The following C1GALT1C1 variants were observed in gnomAD, a reference collection of about 807,000 sequenced individuals.
C1GALT1C1 encodes the protein C1GALT1-specific chaperone 1.
For missense variants in C1GALT1C1, 176 were observed against 234.7 expected, an observed-to-expected ratio of 0.75 and a Z score of 1.63; for synonymous variants, 77 against 77.9, an observed-to-expected ratio of 0.99 and a Z score of 0.06.
At chrX:120,628,478 G>A (rs1370701202) in intron 1 of C1GALT1C1, among the ~76,000 whole-genome samples, 1 of 111,736 alleles carries the variant, frequency 8.9e-6, no homozygotes, top group Non-Finnish European at 1.9e-5. Context: ...GGAAATGGAA[G>A]TCCACAGAGG....
intron 1 of C1GALT1C1, among the ~76,000 whole-genome samples, 174 bp downstream of exon 1, chrX:120,629,743 A>G (rs993946557): frequency 2.7e-5 from 3 of 111,944 alleles, no homozygotes; most frequent in South Asian, 7.4e-4. Context: ...AGGGACCAAG[A>G]GAGCGCCCCC....
chrX:120,626,100 A>G lies in C1GALT1C1; in HGVS notation c.*110T>C, dbSNP rs2147383300. On this transcript the variant is annotated 3_prime_UTR_variant, in exon 2 of 2. Coordinates refer to ENST00000304661, the MANE Select transcript of C1GALT1C1 (RefSeq NM_001011551.3). ...TGTGTGGTTATACCAGTGCCACCAA[A>G]TTAGAAAAGAAAAAGAAACATACAG... is the stretch of plus-strand genomic sequence containing the variant. 1.5e-5 allele frequency: 11 copies of G among 751,012 alleles called. No homozygotes were observed. The highest frequency in any genetic ancestry group is 1.9e-5 in the Non-Finnish European group (10 of 518,345). The allele number at this position is 751,012 out of a possible 1,213,427, so 61.9% of individuals were successfully genotyped here.
chrX:120,627,182 G>T lies in C1GALT1C1; in HGVS notation c.-5-11C>A. 9.6e-7 allele frequency: 1 copy of T among 1,047,040 alleles called. No homozygotes were observed. The highest frequency in any genetic ancestry group is 3.1e-5 in the Admixed American group (1 of 32,238). 86.3% of individuals were successfully genotyped at this position (1,047,040 alleles called of 1,213,427 possible). A position where few individuals can be genotyped will look rare whatever the true frequency, so the allele number is the denominator to read the frequency against. On this transcript the variant is annotated splice_polypyrimidine_tract_variant and intron_variant, in intron 1 of 1. Transcript: ENST00000304661. ...CAGAAAGCATTTTTCCTATAAAGAA[G>T]AAAAAGACTCTTAAAATACTTAATA...
intron 1 of C1GALT1C1, chrX:120,627,517 A>G (rs1456370917): frequency 3.1e-5 from 4 of 130,049 alleles, no homozygotes; most frequent in Non-Finnish European, 6.1e-5. Context: ...ACAAGCTTGC[A>G]TTATTTAAAT....
rs1927192063 is a variant in C1GALT1C1 at position 120,626,775 on chromosome X, T to C, written c.392A>G (p.Asp131Gly). Residue 131 changes from aspartate to glycine, a missense_variant, in exon 2 of 2, where the codon GAT (aspartate) becomes GGT (glycine). By Grantham distance (94) the Asp-to-Gly change is moderately conservative. Coordinates refer to ENST00000304661, the MANE Select transcript of C1GALT1C1 (RefSeq NM_001011551.3). ...MMRKAYKYAF[D>G]KYRDQYNWFF... is the part of the protein sequence containing the mutation. ...CCAGTTGTATTGGTCTCTATACTTA[T>C]CAAAGGCGTATTTGTAAGCTTTTCT... The C allele has an allele frequency of 2.5e-6, 3 of 1,210,491 alleles. No individual in the cohort carries two copies. The highest frequency in any genetic ancestry group is 5.9e-5 in the East Asian group (2 of 33,828).
rs775413235 is a variant in C1GALT1C1 at position 120,626,951 on chromosome X, A to G, written c.216T>C (p.Ile72=). Residue 72 remains isoleucine, a synonymous_variant, in exon 2 of 2, where the codon ATT becomes ATC. Transcript: ENST00000304661. ...ELSKSFRVYC[I]ILVKPKDVSL... ...TCACATCTTTGGGTTTTACAAGGAT[A>G]ATACAGTATACTCGAAAGCTCTTAC... The G allele has an allele frequency of 4.1e-5, 49 of 1,209,612 alleles. No individual in the cohort carries two copies. In the South Asian group the frequency reaches 8.3e-4, roughly 20 times the overall value.
intron 1 of C1GALT1C1, among the ~76,000 whole-genome samples, chrX:120,629,219 G>A (rs1197959307): frequency 9.4e-6 from 1 of 106,437 alleles, no homozygotes; most frequent in Admixed American, 1.0e-4. Flanking sequence ...CAACAAGAGC[G>A]AGACTCTGTT....
At chrX:120,627,370 G>T (rs1208518999) in intron 1 of C1GALT1C1, 199 bp from the exon 2 acceptor site, 3 of 291,282 alleles carry the variant, frequency 1.0e-5, no homozygotes, top group African/African-American at 2.7e-5. Flanking sequence ...ATTACTGTTT[G>T]GTATAAACTG....
rs746754879 is a variant in C1GALT1C1, at chrX:120,629,775, C to T, written c.-6+142G>A. On this transcript the variant is annotated intron_variant, in intron 1 of 1. Transcript: ENST00000304661. The stretch of plus-strand genomic sequence containing the variant: ...CCCCAGGAAGAAGACTCTCGGTCTC[C>T]TGTGCTGACAATCCTCCCGCTGCAC... 3 of 111,988 alleles carry T rather than the reference C, an allele frequency of 2.7e-5. No homozygotes were observed. In the East Asian group the frequency reaches 8.5e-4, roughly 32 times the overall value. The allele number at this position is 111,988 out of a possible 1,213,427, so 9.2% of individuals were successfully genotyped here.
intron 1 of C1GALT1C1, among the ~76,000 whole-genome samples, chrX:120,629,284 C>G (rs1927277155): frequency 9.1e-6 from 1 of 110,262 alleles, no homozygotes; most frequent in Non-Finnish European, 1.9e-5. Context: ...GTCAGGTGCA[C>G]TCTAAGATTA....
chrX:120,626,167 C>A lies in C1GALT1C1; in HGVS notation c.*43G>T. Reference sequence around the variant, plus strand: ...GTTACTACTACAAATAATGACAACACACGTCCTATACAAAGATCATATTCA... The same window carrying A: ...GTTACTACTACAAATAATGACAACAAACGTCCTATACAAAGATCATATTCA... On this transcript the variant is annotated 3_prime_UTR_variant, in exon 2 of 2. Transcript: ENST00000304661. 1 of 1,074,823 alleles carries A rather than the reference C, an allele frequency of 9.3e-7. No homozygotes were observed. The highest frequency in any genetic ancestry group is 3.0e-5 in the East Asian group (1 of 33,113). 88.6% of individuals were successfully genotyped at this position (1,074,823 alleles called of 1,213,427 possible).
At chrX:120,627,304 G>T in intron 1 of C1GALT1C1, 133 bp from the exon 2 acceptor site, 1 of 432,101 alleles carries the variant, frequency 2.3e-6, no homozygotes, top group Non-Finnish European at 3.6e-6. Flanking sequence ...TTGAAATCAA[G>T]TTAGTTGCAT....
Position 120,626,002 on chromosome X carries a change from C to T in C1GALT1C1, c.*208G>A. 3.2e-6 allele frequency: 1 copy of T among 310,930 alleles called. No homozygotes were observed. Among genetic ancestry groups the T allele is most frequent in the Non-Finnish European group, 5.7e-6 (1 of 176,072 alleles). The allele number at this position is 310,930 out of a possible 1,213,427, so 25.6% of individuals were successfully genotyped here. A position where few individuals can be genotyped will look rare whatever the true frequency, so the allele number is the denominator to read the frequency against. ...TTATTATTCTTAAAACACTTCTTTC[C>T]AACACATTTACAATGTTCATGTGTT... is the stretch of plus-strand genomic sequence containing the variant. On this transcript the variant is annotated 3_prime_UTR_variant, in exon 2 of 2. Coordinates refer to ENST00000304661, the MANE Select transcript of C1GALT1C1 (RefSeq NM_001011551.3).
Position 120,627,031 on chromosome X carries a change from C to T in C1GALT1C1, c.136G>A (p.Ala46Thr), listed in dbSNP as rs144583240. Residue 46 changes from alanine to threonine, a missense_variant, in exon 2 of 2, where the codon GCT becomes ACT. By Grantham distance (58) the Ala-to-Thr change is moderately conservative. Coordinates refer to ENST00000304661, the MANE Select transcript of C1GALT1C1 (RefSeq NM_001011551.3). ...TTCAAGATATCTTCTTTGTTAGGAG[C>T]TTGTAGGTGATGATGCTCATGGTGG... ...MHHHEHHHLQ[A>T]PNKEDILKIS... is the part of the protein sequence containing the mutation. The T allele has an allele frequency of 3.6e-5, 44 of 1,209,101 alleles. No individual in the cohort carries two copies. Among genetic ancestry groups the T allele is most frequent in the East Asian group, 8.9e-5 (3 of 33,747 alleles).
intron 1 of C1GALT1C1, 37 bp downstream of exon 1, chrX:120,629,880 G>C (rs1373496353): frequency 8.9e-6 from 1 of 112,091 alleles, no homozygotes; most frequent in Non-Finnish European, 1.9e-5. Flanking sequence ...GGGAGTCAGG[G>C]TGCGCTTGGG....
In C1GALT1C1 at chrX:120,626,151, A is replaced by G; in HGVS notation, c.*59T>C. On this transcript the variant is annotated 3_prime_UTR_variant, in exon 2 of 2. Transcript: ENST00000304661. ...CTGTATTGGATATGTAGTTACTACT[A>G]CAAATAATGACAACACACGTCCTAT... is the stretch of plus-strand genomic sequence containing the variant. 5.9e-6 allele frequency: 6 copies of G among 1,022,392 alleles called. No homozygotes were observed. Among genetic ancestry groups the G allele is most frequent in the Non-Finnish European group, 8.0e-6 (6 of 746,435 alleles). The allele number at this position is 1,022,392 out of a possible 1,213,427, so 84.3% of individuals were successfully genotyped here. A position where few individuals can be genotyped will look rare whatever the true frequency, so the allele number is the denominator to read the frequency against.
intron 1 of C1GALT1C1, among the ~76,000 whole-genome samples, chrX:120,629,619 T>C (rs1361760138): frequency 1.8e-5 from 2 of 111,883 alleles, no homozygotes; most frequent in Non-Finnish European, 3.8e-5. Context: ...ACTACCCCAA[T>C]GGTTTTTAGA....
At chrX:120,627,921 G>GA (rs1404639160) in intron 1 of C1GALT1C1, among the ~76,000 whole-genome samples, 1 of 111,816 alleles carries the variant, frequency 8.9e-6, no homozygotes, top group Non-Finnish European at 1.9e-5. Flanking sequence ...AGTAAAAATG[G>GA]AAAAATTTAC....
intron 1 of C1GALT1C1, among the ~76,000 whole-genome samples, chrX:120,628,993 G>A (rs986781833): frequency 8.1e-5 from 9 of 111,620 alleles, no homozygotes; most frequent in Non-Finnish European, 1.5e-4. Context: ...TTGGGAGGCC[G>A]AGGCAGGTGG....
Sources: gnomAD v4.1 joint callset for allele counts (sites outside exome capture counted in the v4.1 genomes callset) on GRCh38, gnomAD v4.1.1 for gene constraint, MANE v1.5 for transcripts, NCBI Gene and HGNC (gene_info 2026-07-23, HGNC 2026-07-21) for gene names.